Variants in IL19 observed in about 807,000 individuals in gnomAD.
The protein encoded by IL19 is interleukin-19.
A neutral mutation model predicts 19.5 loss-of-function variants in IL19; 15 were observed. The ratio of observed to expected loss-of-function variants is 0.77; its 90% CI spans 0.52 to 1.19. IL19 has a LOEUF of 1.19. Among genes scored for constraint, IL19 ranks in the 50% most tolerant of loss-of-function variants. The pLI is 0.00. For missense variants in IL19, 199 were observed against 213.1 expected, an observed-to-expected ratio of 0.93 and a Z score of 0.41; for synonymous variants, 78 against 78.3, an observed-to-expected ratio of 1.00 and a Z score of 0.02.
intron 3 of IL19, 42 bp downstream of exon 3, chr1:206,836,848 C>T (rs1477220676): frequency 4.3e-6 from 7 of 1,611,406 alleles, no homozygotes; most frequent in African/African-American, 1.3e-5. Flanking sequence ...ACGGAGTATC[C>T]CTCCCCTTAC....
intron 2 of IL19, among the ~76,000 whole-genome samples, chr1:206,809,023 T>C (rs1403050030): frequency 6.6e-6 from 1 of 152,158 alleles, no homozygotes; most frequent in African/African-American, 2.4e-5. Context: ...AAGCAGGTCT[T>C]GTTTAGGGAG....
chr1:206,771,393 T>C (rs776711200), intron 1 of IL19: 2 of 1,612,848 alleles, frequency 1.2e-6, no homozygotes, highest in Non-Finnish European at 1.7e-6. Flanking sequence ...TAACAACAAG[T>C]TGTCCAGCTG....
At chr1:206,807,265 G>C (rs1469930775) in intron 2 of IL19, among the ~76,000 whole-genome samples, 1 of 152,154 alleles carries the variant, frequency 6.6e-6, no homozygotes, top group East Asian at 1.9e-4. Context: ...GATGAGATTT[G>C]GGTGGAGATA....
chr1:206,790,659 C>T (rs1359402173), intron 1 of IL19, among the ~76,000 whole-genome samples: 5 of 152,088 alleles, frequency 3.3e-5, no homozygotes, highest in South Asian at 2.1e-4. Flanking sequence ...CAGACTCTGA[C>T]GCAAGTTTAA....
intron 1 of IL19, among the ~76,000 whole-genome samples, chr1:206,795,962 T>C (rs188009381): frequency 7.9e-4 from 119 of 151,494 alleles, no homozygotes; most frequent in Admixed American, 1.7e-3. Flanking sequence ...TGTGTGTGTA[T>C]GATTTATTAT....
rs762018888 is a variant in IL19 at position 206,770,944 on chromosome 1, T to C, written c.-283T>C. The C allele has an allele frequency of 6.2e-7, 1 of 1,614,114 alleles. No homozygotes were observed. The highest frequency in any genetic ancestry group is 1.1e-5 in the South Asian group (1 of 91,080). On this transcript the variant is annotated 5_prime_UTR_variant, in exon 1 of 7. Coordinates refer to ENST00000659997, the MANE Select transcript of IL19 (RefSeq NM_153758.5). Reference sequence around the variant, plus strand: ...CCTCAGCCTGAGGGTCTTCAGGTTCTCCCCCAGGGAGTTCACATGCGCCTT... The same window carrying C: ...CCTCAGCCTGAGGGTCTTCAGGTTCCCCCCCAGGGAGTTCACATGCGCCTT...
intron 2 of IL19, among the ~76,000 whole-genome samples, chr1:206,816,460 C>G (rs1676159677): frequency 6.6e-6 from 1 of 152,136 alleles, no homozygotes; most frequent in African/African-American, 2.4e-5. Flanking sequence ...TGAAGGCAGA[C>G]TGTGGTGAGT....
intron 2 of IL19, among the ~76,000 whole-genome samples, chr1:206,824,772 T>A (rs528252272): frequency 6.6e-6 from 1 of 151,982 alleles, no homozygotes; most frequent in Non-Finnish European, 1.5e-5. Context: ...GAAAAAAATC[T>A]TTTTTTTGAG....
At position 206,772,367 on chromosome 1, in the gene IL19, G is replaced by C. The variant is rs1287685346; in HGVS notation, c.-149+1289G>C. ...GGGTGCAGCTGTTCTCAGACTGGGT[G>C]CCCTGGCCTGGGCTGGCCCTCACCC... On this transcript the variant is annotated intron_variant, in intron 1 of 6. Coordinates refer to ENST00000659997, the MANE Select transcript of IL19 (RefSeq NM_153758.5). The C allele has an allele frequency of 3.1e-6, 5 of 1,614,138 alleles. No individual in the cohort carries two copies. The highest frequency in any genetic ancestry group is 2.2e-5 in the East Asian group (1 of 44,888).
rs1014037243 is a variant in IL19 at position 206,770,859 on chromosome 1, T to C, written c.-368T>C. 10 of 1,573,790 alleles carry C rather than the reference T, an allele frequency of 6.4e-6. No individual in the cohort carries two copies. Among genetic ancestry groups the C allele is most frequent in the South Asian group, 1.1e-5 (1 of 90,406 alleles). On this transcript the variant is annotated 5_prime_UTR_variant, in exon 1 of 7. It removes an upstream start codon present in the reference 5' UTR. Transcript: ENST00000659997. ...AGTGTCCCTGCTGGTCTGTAGGAGATGGTATTTTGGGGGCAGCTGCAAGGG... is the reference window on the plus strand; with the variant it reads ...AGTGTCCCTGCTGGTCTGTAGGAGACGGTATTTTGGGGGCAGCTGCAAGGG...
intron 1 of IL19, among the ~76,000 whole-genome samples, chr1:206,788,847 G>A (rs560230019): frequency 6.6e-6 from 1 of 152,304 alleles, no homozygotes; most frequent in African/African-American, 2.4e-5. Context: ...AGAAAGTTGA[G>A]GATGACATGA....
At chr1:206,817,632 A>T (rs1220319201) in intron 2 of IL19, among the ~76,000 whole-genome samples, 2 of 152,216 alleles carry the variant, frequency 1.3e-5, no homozygotes, top group African/African-American at 4.8e-5. Flanking sequence ...AATGATAAAG[A>T]GGTAAATTTA....
chr1:206,781,956 CATATATATGTATATGTTAT>C (rs1558606384), intron 1 of IL19, among the ~76,000 whole-genome samples: 10 of 74,904 alleles, frequency 1.3e-4, no homozygotes, highest in African/African-American at 4.7e-4. Context: ...GTTATATATA[CATATATATGTATATGTTAT>C]ATATACATAT....
At chr1:206,815,970 C>T (rs1017613073) in intron 2 of IL19, among the ~76,000 whole-genome samples, 9 of 152,024 alleles carry the variant, frequency 5.9e-5, no homozygotes, top group Admixed American at 1.3e-4. Flanking sequence ...TTTTATTATA[C>T]GTTGTTTTGT....
Position 206,784,874 on chromosome 1 carries a change from C to T in IL19, c.-149+13796C>T, listed in dbSNP as rs75139559. ...ATGCCTGCGCGACGCAGGCCTATGC[C>T]GAGGAGGAAGTGTTGTTGGTGTACT... On this transcript the variant is annotated intron_variant, in intron 1 of 6. Coordinates refer to ENST00000659997, the MANE Select transcript of IL19 (RefSeq NM_153758.5). Among the ~76,000 whole-genome samples the T allele has an allele frequency of 1.6e-4, 24 of 152,310 alleles. No individual in the cohort carries two copies. In the East Asian group the frequency reaches 3.9e-3, roughly 24 times the overall value.
At chr1:206,808,489 TTG>T (rs939615370) in intron 2 of IL19, among the ~76,000 whole-genome samples, 1 of 122,404 alleles carries the variant, frequency 8.2e-6, no homozygotes, top group Admixed American at 8.7e-5. Flanking sequence ...ATGAAGGGAA[TTG>T]TGTGTGTGCG....
intron 4 of IL19, among the ~76,000 whole-genome samples, chr1:206,838,659 T>C (rs931494295): frequency 2.0e-5 from 3 of 152,076 alleles, no homozygotes; most frequent in African/African-American, 7.2e-5. Flanking sequence ...TTCAGATTCT[T>C]TCTCCTCTCA....
rs751147550 is a variant in IL19, at chr1:206,839,965, A to G, written c.326A>G (p.Asn109Ser). 1.9e-6 allele frequency: 3 copies of G among 1,614,110 alleles called. No individual in the cohort carries two copies. Among genetic ancestry groups the G allele is most frequent in the South Asian group, 2.2e-5 (2 of 91,076 alleles). The change falls in exon 5 of 7, where the codon AAC becomes AGC. Residue 109 changes from asparagine to serine, a missense_variant. Asn to Ser is a conservative substitution (Grantham distance 46). Transcript: ENST00000659997. ...KILRKISSIA[N>S]SFLYMQKTLR... ...TTGAGAAAAATCAGCAGCATTGCCA[A>G]CTCTTTCCTCTACATGCAGAAAACT...
chr1:206,817,858 G>A (rs1433249033), intron 2 of IL19, among the ~76,000 whole-genome samples: 1 of 151,888 alleles, frequency 6.6e-6, no homozygotes, highest in African/African-American at 2.4e-5. Flanking sequence ...CTGCCTTCTG[G>A]GTTCAAGCGA....
Sources: allele counts gnomAD v4.1 joint callset (sites outside exome capture counted in the v4.1 genomes callset), GRCh38; gene constraint gnomAD v4.1.1; transcripts MANE v1.5; gene names NCBI Gene and HGNC (gene_info 2026-07-23, HGNC 2026-07-21).